Variants in THSD7A observed in about 807,000 individuals in gnomAD.
The protein encoded by THSD7A is thrombospondin type 1 domain containing 7A.
In THSD7A, 96 loss-of-function variants were observed where a neutral mutation model predicts 231.3. That is an observed-to-expected ratio of 0.41 (90% CI 0.35 to 0.49). The LOEUF (loss-of-function observed/expected upper bound fraction) is 0.49, where lower values mean the gene tolerates loss of function less well. THSD7A is among the 20% of genes least tolerant of loss of function. THSD7A has a pLI of 0.05. For missense variants in THSD7A, 2,290 were observed against 2,070.2 expected, an observed-to-expected ratio of 1.11 and a Z score of -2.06; for synonymous variants, 940 against 743.3, an observed-to-expected ratio of 1.26 and a Z score of -4.30.
intron 1 of THSD7A, among the ~76,000 whole-genome samples, chr7:11,737,672 G>T (rs1168191299): frequency 6.6e-6 from 1 of 151,888 alleles, no homozygotes; most frequent in African/African-American, 2.4e-5. Flanking sequence ...TCTCCAATGA[G>T]CAAGTTCTAG....
At chr7:11,601,650 C>T (rs1374098457) in intron 2 of THSD7A, among the ~76,000 whole-genome samples, 1 of 152,146 alleles carries the variant, frequency 6.6e-6, no homozygotes, top group African/African-American at 2.4e-5. Flanking sequence ...ACCAGACGAG[C>T]AATGTGTGAT....
intron 4 of THSD7A, among the ~76,000 whole-genome samples, chr7:11,547,212 A>G (rs901528048): frequency 2.0e-5 from 3 of 152,232 alleles, no homozygotes. Flanking sequence ...ACTTAAGTAC[A>G]CAGATTATTG....
chr7:11,465,803 T>G (rs149367775), intron 9 of THSD7A, among the ~76,000 whole-genome samples: 1 of 152,172 alleles, frequency 6.6e-6, no homozygotes, highest in East Asian at 1.9e-4. Flanking sequence ...CAAACAGAAT[T>G]TGAGCAACCA....
chr7:11,377,247 A>G lies in THSD7A; in HGVS notation c.4802-590T>C, dbSNP rs1782312367. 6.6e-6 allele frequency among the ~76,000 whole-genome samples: 1 copy of G among 152,074 alleles called. No individual in the cohort carries two copies. Among genetic ancestry groups the G allele is most frequent in the Non-Finnish European group, 1.5e-5 (1 of 67,954 alleles). On this transcript the variant is annotated intron_variant, in intron 26 of 27. Transcript: ENST00000423059. The surrounding 1 kb of genome is among the most constrained non-coding windows in gnomAD (Gnocchi z 4.5). ...AACAACTGGTTTGGTTAACATATAA[A>G]AGGATCTATAAATAATTTTTTTTCT...
At chr7:11,492,321 T>G (rs775801878) in intron 6 of THSD7A, among the ~76,000 whole-genome samples, 45 of 152,020 alleles carry the variant, frequency 3.0e-4, no homozygotes, top group Non-Finnish European at 5.9e-4. Context: ...CTCCTACTGC[T>G]TGGGATTTCT....
At chr7:11,538,544 A>C (rs1446814554) in intron 6 of THSD7A, among the ~76,000 whole-genome samples, 2 of 152,178 alleles carry the variant, frequency 1.3e-5, no homozygotes. Flanking sequence ...ATATCAGAAA[A>C]ATTAAAATAG....
intron 1 of THSD7A, among the ~76,000 whole-genome samples, chr7:11,696,737 T>A (rs572721757): frequency 3.4e-4 from 52 of 151,588 alleles, no homozygotes; most frequent in Admixed American, 5.9e-4. Flanking sequence ...AGTAAATTTT[T>A]AATTTATGGA....
At chr7:11,596,279 T>C (rs184367029) in intron 2 of THSD7A, among the ~76,000 whole-genome samples, 243 of 152,314 alleles carry the variant, frequency 1.6e-3, no homozygotes, top group Middle Eastern at 3.4e-3. Context: ...TGGGGATTAC[T>C]GGACACTGGC....
At chr7:11,392,394 G>A (rs920293245) in intron 23 of THSD7A, among the ~76,000 whole-genome samples, 10 of 152,156 alleles carry the variant, frequency 6.6e-5, no homozygotes, top group African/African-American at 2.4e-4. Context: ...ACTAGACCAG[G>A]AGATTCCCTC....
At position 11,431,830 on chromosome 7, in the gene THSD7A, A is replaced by G. The variant is rs370015071; in HGVS notation, c.3065-2705T>C. Among the ~76,000 whole-genome samples the G allele has an allele frequency of 3.3e-5, 5 of 152,018 alleles. No individual in the cohort carries two copies. In the East Asian group the frequency reaches 7.7e-4, roughly 23 times the overall value. On this transcript the variant is annotated intron_variant, in intron 13 of 27. Coordinates refer to ENST00000423059, the MANE Select transcript of THSD7A (RefSeq NM_015204.3). Reference sequence around the variant, plus strand: ...ATGGAATTCATTTCCATTTATATAGATCTTTAATTTCTTTCAATGATGTTT... The same window carrying G: ...ATGGAATTCATTTCCATTTATATAGGTCTTTAATTTCTTTCAATGATGTTT...
chr7:11,768,935 G>T (rs1202577074), intron 1 of THSD7A, among the ~76,000 whole-genome samples: 1 of 147,866 alleles, frequency 6.8e-6, no homozygotes, highest in Non-Finnish European at 1.5e-5. Flanking sequence ...TCCATTTAAT[G>T]GTTTTGTTTT....
At chr7:11,504,213 A>C (rs1413635952) in intron 6 of THSD7A, among the ~76,000 whole-genome samples, 1 of 152,206 alleles carries the variant, frequency 6.6e-6, no homozygotes, top group Non-Finnish European at 1.5e-5. Context: ...GCAGGAACAG[A>C]AAATCAAATA....
At chr7:11,526,993 G>C (rs1393746192) in intron 6 of THSD7A, among the ~76,000 whole-genome samples, 1 of 152,140 alleles carries the variant, frequency 6.6e-6, no homozygotes, top group South Asian at 2.1e-4. Flanking sequence ...AATGAGCCTA[G>C]GCAGCAGACT....
intron 1 of THSD7A, among the ~76,000 whole-genome samples, chr7:11,804,787 T>C (rs867196824): frequency 6.6e-6 from 1 of 152,188 alleles, no homozygotes; most frequent in Non-Finnish European, 1.5e-5. Flanking sequence ...GCTTAATGAG[T>C]TGCTTGGTAC....
chr7:11,517,041 T>C (rs17633604), intron 6 of THSD7A, among the ~76,000 whole-genome samples: 6,909 of 152,308 alleles, frequency 0.045, 189 homozygotes, highest in South Asian at 0.072. Flanking sequence ...ATAGGTCCAA[T>C]TGTTTAAGCA....
chr7:11,469,776 T>A, intron 9 of THSD7A, 103 bp downstream of exon 9: 1 of 726,374 alleles, frequency 1.4e-6, no homozygotes, highest in Non-Finnish European at 2.4e-6. Flanking sequence ...CAGGTTTACA[T>A]AGCCCTGTGC....
Position 11,636,872 on chromosome 7 carries a change from T to C in THSD7A, c.280A>G (p.Thr94Ala). Residue 94 changes from threonine to alanine, a missense_variant, in exon 2 of 28, where the codon ACA becomes GCA. Thr to Ala is a moderately conservative substitution (Grantham distance 58). Transcript: ENST00000423059. The surrounding 1 kb of genome is among the most constrained non-coding windows in gnomAD (Gnocchi z 10.0). Reference sequence around the variant, plus strand: ...GCCTGCTTACAGTTAGTATGCAGTGTAGTCCATCCCTCCACATGAGCACAC... The same window carrying C: ...GCCTGCTTACAGTTAGTATGCAGTGCAGTCCATCCCTCCACATGAGCACAC... ...VWCAHVEGWT[T>A]LHTNCKQAER... The C allele has an allele frequency of 6.2e-7, 1 of 1,613,958 alleles. No individual in the cohort carries two copies. Among genetic ancestry groups the C allele is most frequent in the Non-Finnish European group, 8.5e-7 (1 of 1,179,874 alleles).
chr7:11,558,641 C>T (rs1789948064), intron 4 of THSD7A, among the ~76,000 whole-genome samples: 1 of 151,986 alleles, frequency 6.6e-6, no homozygotes, highest in Non-Finnish European at 1.5e-5. Flanking sequence ...GAACTTATGT[C>T]TCATAAAAAA....
intron 6 of THSD7A, 58 bp downstream of exon 6, chr7:11,541,360 TA>T (rs1230626389): frequency 6.5e-7 from 1 of 1,529,146 alleles, no homozygotes; most frequent in Non-Finnish European, 9.0e-7. Context: ...TAACAGAAAG[TA>T]AAAACATATA....
Sources: gnomAD v4.1 joint callset for allele counts (sites outside exome capture counted in the v4.1 genomes callset) on GRCh38, gnomAD v4.1.1 for gene constraint, Gnocchi (gnomAD v3.1) non-coding constraint, MANE v1.5 for transcripts, NCBI Gene and HGNC (gene_info 2026-07-23, HGNC 2026-07-21) for gene names.